RERE: variants seen among roughly 807,000 people sequenced by gnomAD.
RERE encodes the protein arginine-glutamic acid dipeptide repeats.
In RERE, 40 loss-of-function variants were observed where a neutral mutation model predicts 146.1. The ratio of observed to expected loss-of-function variants is 0.27; its 90% CI spans 0.21 to 0.36. The LOEUF is 0.36. Among genes scored for constraint, RERE ranks in the 10% least tolerant of loss-of-function variants. The probability of loss-of-function intolerance (pLI) is 1.00; values close to 1 mark genes in which losing one functional copy is unlikely to be tolerated. For synonymous variants in RERE, 1,003 were observed against 866.0 expected, an observed-to-expected ratio of 1.16 and a Z score of -2.78; for missense variants, 1,933 against 2,138.7, an observed-to-expected ratio of 0.90 and a Z score of 1.90.
intron 4 of RERE, among the ~76,000 whole-genome samples, chr1:8,607,725 C>CTTTT (rs35349056): frequency 1.1e-4 from 10 of 92,922 alleles, no homozygotes; most frequent in East Asian, 3.1e-4. Context: ...CCATATCTGG[C>CTTTT]TTTTTTTTTT....
At chr1:8,695,805 A>G (rs965431931) in intron 1 of RERE, among the ~76,000 whole-genome samples, 4 of 151,964 alleles carry the variant, frequency 2.6e-5, no homozygotes, top group African/African-American at 9.7e-5. Flanking sequence ...CCTACAAAAT[A>G]GCAGAAAATA....
rs529923585 is a variant in RERE at position 8,395,808 on chromosome 1, C to T, written c.1284+26919G>A. Reference sequence around the variant, plus strand: ...ATGCACTGAAGGCCTGCAGTGGGGGCACAGGAGGAAGTATGAGAGGTTCCA... The same window carrying T: ...ATGCACTGAAGGCCTGCAGTGGGGGTACAGGAGGAAGTATGAGAGGTTCCA... On this transcript the variant is annotated intron_variant, in intron 12 of 22. Coordinates refer to ENST00000400908, the MANE Select transcript of RERE (RefSeq NM_001042681.2). 3.9e-5 allele frequency among the ~76,000 whole-genome samples: 6 copies of T among 152,222 alleles called. No homozygotes were observed. The East Asian group carries it at 7.7e-4, about 20-fold the overall frequency.
At chr1:8,549,485 G>C (rs957443199) in intron 6 of RERE, among the ~76,000 whole-genome samples, 2 of 151,976 alleles carry the variant, frequency 1.3e-5, no homozygotes, top group African/African-American at 4.8e-5. Flanking sequence ...CTTTACTACA[G>C]TGGAATTCCA....
chr1:8,690,840 T>C (rs1342949023), intron 1 of RERE, among the ~76,000 whole-genome samples: 3 of 152,216 alleles, frequency 2.0e-5, no homozygotes, highest in Non-Finnish European at 4.4e-5. Context: ...GTATTCATGT[T>C]CATTTTGTAC....
chr1:8,521,429 G>T (rs548131572), intron 7 of RERE, among the ~76,000 whole-genome samples: 1 of 152,056 alleles, frequency 6.6e-6, no homozygotes, highest in African/African-American at 2.4e-5. Flanking sequence ...ATAGTTTGAG[G>T]CCAGGAGTTC....
chr1:8,765,143 C>T (rs1640823001), intron 1 of RERE, among the ~76,000 whole-genome samples: 1 of 152,174 alleles, frequency 6.6e-6, no homozygotes, highest in Non-Finnish European at 1.5e-5. Flanking sequence ...GGCATAGCCA[C>T]ACAATGGACT....
chr1:8,609,846 T>A (rs1646769578), intron 4 of RERE, among the ~76,000 whole-genome samples: 1 of 152,180 alleles, frequency 6.6e-6, no homozygotes, highest in Non-Finnish European at 1.5e-5. Flanking sequence ...ATAACTCTAT[T>A]AACACCGGTT....
rs112805052 is a variant in RERE at position 8,668,119 on chromosome 1, T to A, written c.-144-11678A>T. 2.8e-3 allele frequency among the ~76,000 whole-genome samples: 421 copies of A among 152,382 alleles called. 2 individuals are homozygous for A. Among genetic ancestry groups the A allele is most frequent in the Non-Finnish European group, 4.9e-3 (333 of 68,040 alleles). On this transcript the variant is annotated intron_variant, in intron 1 of 22. Transcript: ENST00000400908. ...TGCAGAGATTTCAAAGGGTTAAGCA[T>A]CTGTGTTGCTTCATGCAAAATTATG...
At chr1:8,473,352 G>A (rs142608738) in intron 10 of RERE, among the ~76,000 whole-genome samples, 86 of 152,274 alleles carry the variant, frequency 5.6e-4, no homozygotes, top group African/African-American at 1.7e-3. Context: ...CAACCAAGAG[G>A]TACCAAGCAA....
intron 4 of RERE, among the ~76,000 whole-genome samples, chr1:8,600,909 C>T (rs1288710361): frequency 6.6e-6 from 1 of 151,826 alleles, no homozygotes; most frequent in East Asian, 1.9e-4. Flanking sequence ...TGCCCGCCAC[C>T]ATGCCCGGCT....
chr1:8,608,856 C>T (rs1177024557), intron 4 of RERE, among the ~76,000 whole-genome samples: 2 of 152,142 alleles, frequency 1.3e-5, no homozygotes, highest in African/African-American at 2.4e-5. Flanking sequence ...GAACCCAAGG[C>T]GGGAAGATCA....
At position 8,529,694 on chromosome 1, in the gene RERE, A is replaced by G. The variant is rs184098002; in HGVS notation, c.830+11520T>C. 2.0e-5 allele frequency among the ~76,000 whole-genome samples: 3 copies of G among 152,018 alleles called. No homozygotes were observed. The East Asian group carries it at 5.8e-4, about 29-fold the overall frequency. On this transcript the variant is annotated intron_variant, in intron 7 of 22. Transcript: ENST00000400908. ...GCAGTCATGGTGCTCTCACCCCCAA[A>G]CAGAAGTCAATTAACACCCAGCTCC...
intron 10 of RERE, among the ~76,000 whole-genome samples, chr1:8,469,911 T>C (rs1644657760): frequency 6.6e-6 from 1 of 152,184 alleles, no homozygotes; most frequent in African/African-American, 2.4e-5. Flanking sequence ...GAATTTCTAG[T>C]GATGAGCTTA....
intron 4 of RERE, among the ~76,000 whole-genome samples, chr1:8,559,154 C>T (rs1195315342): frequency 4.0e-5 from 6 of 150,160 alleles, no homozygotes; most frequent in Non-Finnish European, 8.9e-5. Context: ...GTGGGGCATG[C>T]CTATAATCCC....
At chr1:8,623,969 A>G (rs915005379) in intron 3 of RERE, among the ~76,000 whole-genome samples, 4 of 152,220 alleles carry the variant, frequency 2.6e-5, no homozygotes, top group African/African-American at 9.6e-5. Context: ...CTACTCATCA[A>G]TTTACTGAAT....
At chr1:8,524,478 T>A (rs748287471) in intron 7 of RERE, among the ~76,000 whole-genome samples, 10 of 152,190 alleles carry the variant, frequency 6.6e-5, no homozygotes, top group Non-Finnish European at 1.3e-4. Flanking sequence ...ACTAAGAGCT[T>A]ACACAAGGAA....
At chr1:8,424,508 A>G (rs1011065022) in intron 11 of RERE, 2 of 152,244 alleles carry the variant, frequency 1.3e-5, no homozygotes, top group African/African-American at 4.8e-5. Context: ...TTCGAAGGGA[A>G]AATCTCTCAA....
At position 8,465,876 on chromosome 1, in the gene RERE, C is replaced by T. The variant is rs762879158; in HGVS notation, c.1203+49G>A. 9.9e-6 allele frequency: 15 copies of T among 1,511,790 alleles called. No homozygotes were observed. In the South Asian group the frequency reaches 1.2e-4, roughly 12 times the overall value. 93.6% of individuals were successfully genotyped at this position (1,511,790 alleles called of 1,614,324 possible). A position where few individuals can be genotyped will look rare whatever the true frequency, so the allele number is the denominator to read the frequency against. ...GCAGGGAGGTCACACACTGAGACGCCGGTGGCCCGATGCCCCAGAGCACAA... is the reference window on the plus strand; with the variant it reads ...GCAGGGAGGTCACACACTGAGACGCTGGTGGCCCGATGCCCCAGAGCACAA... On this transcript the variant is annotated intron_variant, in intron 11 of 22. Coordinates refer to ENST00000400908, the MANE Select transcript of RERE (RefSeq NM_001042681.2).
intron 1 of RERE, among the ~76,000 whole-genome samples, chr1:8,783,580 G>A (rs961109280): frequency 5.9e-5 from 9 of 152,102 alleles, no homozygotes; most frequent in African/African-American, 2.2e-4. Flanking sequence ...CGAAGTGGGA[G>A]GACTGTTTGA....
Sources: allele counts gnomAD v4.1 joint callset (sites outside exome capture counted in the v4.1 genomes callset), GRCh38; gene constraint gnomAD v4.1.1; transcripts MANE v1.5; gene names NCBI Gene and HGNC (gene_info 2026-07-23, HGNC 2026-07-21).